The following CMTM8 variants were observed in gnomAD, a reference collection of about 807,000 sequenced individuals.
CMTM8 encodes CKLF like MARVEL transmembrane domain containing 8.
CMTM8 carries 12 observed loss-of-function variants against 18.6 expected under a neutral mutation model. The observed-to-expected ratio is 0.65, with a 90% CI of 0.41 to 1.05. The LOEUF (loss-of-function observed/expected upper bound fraction) is 1.05, where lower values mean the gene tolerates loss of function less well. Ranked by LOEUF, CMTM8 falls within the 50% of genes least tolerant of loss-of-function variation. The probability of loss-of-function intolerance (pLI) is 0.00; values close to 1 mark genes in which losing one functional copy is unlikely to be tolerated. For synonymous variants in CMTM8, 87 were observed against 90.6 expected, an observed-to-expected ratio of 0.96 and a Z score of 0.23; for missense variants, 217 against 227.2, an observed-to-expected ratio of 0.95 and a Z score of 0.29.
rs187884043 is a variant in CMTM8 at position 32,343,265 on chromosome 3, A to G, written c.148-14108A>G. ...ATCTCTTCATCTGTGAAATGAGTTA[A>G]TCAATCCAACACTAACATTCTCTGG... On this transcript the variant is annotated intron_variant, in intron 1 of 3. Coordinates refer to ENST00000307526, the MANE Select transcript of CMTM8 (RefSeq NM_178868.5). Among the ~76,000 whole-genome samples, 29 of 152,310 alleles carry G rather than the reference A, an allele frequency of 1.9e-4. No individual in the cohort carries two copies. The East Asian group carries it at 4.8e-3, about 25-fold the overall frequency.
At chr3:32,369,507 T>A (rs887643061) in intron 3 of CMTM8, among the ~76,000 whole-genome samples, 1 of 152,110 alleles carries the variant, frequency 6.6e-6, no homozygotes, top group African/African-American at 2.4e-5. Flanking sequence ...GCTCATTGCT[T>A]ACTCTGGCCC....
intron 2 of CMTM8, among the ~76,000 whole-genome samples, chr3:32,361,286 G>GTTTTTTTTTTGTTTTTTTTTTTTGT (rs58364646): frequency 1.1e-5 from 1 of 87,230 alleles, no homozygotes; most frequent in African/African-American, 4.0e-5. Flanking sequence ...CAGCCTAAGA[G>GTTTTTTTTTTGTTTTTTTTTTTTGT]TTTTTTTTTC....
At chr3:32,324,795 G>A (rs1456843043) in intron 1 of CMTM8, among the ~76,000 whole-genome samples, 1 of 152,232 alleles carries the variant, frequency 6.6e-6, no homozygotes, top group African/African-American at 2.4e-5. Flanking sequence ...TTACACATAT[G>A]TGGGAGCCCC....
chr3:32,347,297 G>GTTTTTTTTTTTTTTTTTTTTTT (rs56826485), intron 1 of CMTM8, among the ~76,000 whole-genome samples: 6 of 136,532 alleles, frequency 4.4e-5, no homozygotes, highest in South Asian at 2.4e-4. Flanking sequence ...TTTTGCTTAG[G>GTTTTTTTTTTTTTTTTTTTTTT]TTTTTTTTTT....
intron 1 of CMTM8, among the ~76,000 whole-genome samples, chr3:32,240,577 T>C (rs1209911602): frequency 6.6e-6 from 1 of 152,190 alleles, no homozygotes; most frequent in African/African-American, 2.4e-5. Flanking sequence ...ATATGCTCTG[T>C]GTACTGCGCT....
At chr3:32,258,749 A>G (rs1702209388) in intron 1 of CMTM8, among the ~76,000 whole-genome samples, 1 of 152,136 alleles carries the variant, frequency 6.6e-6, no homozygotes, top group Non-Finnish European at 1.5e-5. Context: ...GGGCTCAAGC[A>G]ATCCTCCTGC....
At chr3:32,320,615 A>G (rs901770999) in intron 1 of CMTM8, among the ~76,000 whole-genome samples, 6 of 152,244 alleles carry the variant, frequency 3.9e-5, no homozygotes, top group Non-Finnish European at 7.3e-5. Flanking sequence ...AATTTATGGT[A>G]TATGAATTAT....
chr3:32,365,048 T>A (rs572857846), intron 2 of CMTM8, among the ~76,000 whole-genome samples: 4 of 152,248 alleles, frequency 2.6e-5, no homozygotes, highest in African/African-American at 9.6e-5. Flanking sequence ...GGTGAGACCC[T>A]GGAGATGGCC....
chr3:32,249,432 A>C (rs1182425576), intron 1 of CMTM8, among the ~76,000 whole-genome samples: 1 of 148,102 alleles, frequency 6.8e-6, no homozygotes, highest in African/African-American at 2.6e-5. Context: ...CCTACCTCAA[A>C]AAATGAAAAA....
intron 1 of CMTM8, among the ~76,000 whole-genome samples, chr3:32,279,180 A>ATTT (rs10686617): frequency 2.5e-4 from 35 of 140,596 alleles, no homozygotes; most frequent in South Asian, 6.9e-4. Flanking sequence ...TTTTTTTTTA[A>ATTT]TTTTTTTTTT....
chr3:32,276,388 T>C (rs1702519320), intron 1 of CMTM8, among the ~76,000 whole-genome samples: 1 of 152,206 alleles, frequency 6.6e-6, no homozygotes, highest in South Asian at 2.1e-4. Context: ...TTATTCTCAT[T>C]GTGCAACAGC....
At chr3:32,240,683 A>T (rs1701936241) in intron 1 of CMTM8, among the ~76,000 whole-genome samples, 1 of 152,202 alleles carries the variant, frequency 6.6e-6, no homozygotes, top group Non-Finnish European at 1.5e-5. Context: ...ATCCTTTTAG[A>T]TTTCATTAAG....
chr3:32,370,013 C>G lies in CMTM8; in HGVS notation c.*46C>G, dbSNP rs1180713717. 1 of 1,112,878 alleles carries G rather than the reference C, an allele frequency of 9.0e-7. No homozygotes were observed. The highest frequency in any genetic ancestry group is 1.5e-5 in the African/African-American group (1 of 65,322). 68.9% of individuals were successfully genotyped at this position (1,112,878 alleles called of 1,614,324 possible). On this transcript the variant is annotated 3_prime_UTR_variant, in exon 4 of 4. Coordinates refer to ENST00000307526, the MANE Select transcript of CMTM8 (RefSeq NM_178868.5). ...AAGGAAAAAAAAAGGAAGACTCTCA[C>G]TGTAAAAACAGCTGTAGGTATAATG...
At chr3:32,327,900 T>C (rs535219841) in intron 1 of CMTM8, among the ~76,000 whole-genome samples, 4 of 152,232 alleles carry the variant, frequency 2.6e-5, no homozygotes, top group Non-Finnish European at 5.9e-5. Flanking sequence ...TAAGGGTATG[T>C]GATTTTTGCA....
At chr3:32,320,458 C>T (rs1696021564) in intron 1 of CMTM8, among the ~76,000 whole-genome samples, 1 of 152,108 alleles carries the variant, frequency 6.6e-6, no homozygotes, top group Non-Finnish European at 1.5e-5. Flanking sequence ...GAGTGGTTAC[C>T]TTGGCCTGAG....
chr3:32,272,065 C>T (rs1445162880), intron 1 of CMTM8, among the ~76,000 whole-genome samples: 1 of 152,190 alleles, frequency 6.6e-6, no homozygotes, highest in Non-Finnish European at 1.5e-5. Flanking sequence ...TTTTCTTCCT[C>T]ATTCTTGAAA....
At chr3:32,273,129 ATGTGTGTGTGTGTG>A (rs60162265) in intron 1 of CMTM8, among the ~76,000 whole-genome samples, 2 of 142,930 alleles carry the variant, frequency 1.4e-5, no homozygotes, top group East Asian at 2.2e-4. Context: ...ATTGGAACAA[ATGTGTGTGTGTGTG>A]TGTGTGTGTG....
intron 1 of CMTM8, among the ~76,000 whole-genome samples, chr3:32,309,906 C>T (rs947950376): frequency 2.0e-5 from 3 of 152,242 alleles, no homozygotes; most frequent in African/African-American, 7.2e-5. Flanking sequence ...TGTCTGTTCA[C>T]TGCCCCCAGG....
At chr3:32,241,973 G>A (rs539067159) in intron 1 of CMTM8, among the ~76,000 whole-genome samples, 7 of 152,262 alleles carry the variant, frequency 4.6e-5, no homozygotes, top group South Asian at 4.1e-4. Context: ...TGTCAGAATC[G>A]TCTTCATGAC....
Sources: gnomAD v4.1 joint callset for allele counts (sites outside exome capture counted in the v4.1 genomes callset) on GRCh38, gnomAD v4.1.1 for gene constraint, MANE v1.5 for transcripts, NCBI Gene and HGNC (gene_info 2026-07-23, HGNC 2026-07-21) for gene names.